Variants in SYN3 observed in about 807,000 individuals in gnomAD.
SYN3 encodes synapsin-3.
SYN3 carries 35 observed loss-of-function variants against 65.8 expected under a neutral mutation model. The ratio of observed to expected loss-of-function variants is 0.53; its 90% CI spans 0.41 to 0.70. SYN3 has a LOEUF of 0.70. SYN3 is among the 30% of genes least tolerant of loss of function. The pLI is 0.00. For missense variants in SYN3, 680 were observed against 749.0 expected (o/e 0.91, Z 1.08); for synonymous variants, 270 against 292.9 (o/e 0.92, Z 0.80).
chr22:32,894,375 T>C (rs1385234889), intron 4 of SYN3, among the ~76,000 whole-genome samples: 4 of 152,254 alleles, frequency 2.6e-5, no homozygotes, highest in Admixed American at 2.0e-4. Flanking sequence ...ACCCAACAAC[T>C]ACAACCTTCC....
At chr22:32,524,941 C>T (rs188837261) in intron 12 of SYN3, among the ~76,000 whole-genome samples, 11 of 152,188 alleles carry the variant, frequency 7.2e-5, no homozygotes, top group South Asian at 4.2e-4. Flanking sequence ...CCAGGACCCG[C>T]GAGGTGGAGC....
At chr22:32,696,950 C>G (rs963278102) in intron 6 of SYN3, among the ~76,000 whole-genome samples, 2 of 152,246 alleles carry the variant, frequency 1.3e-5, no homozygotes, top group East Asian at 3.9e-4. Flanking sequence ...GCTGCCCAAC[C>G]GTTTAACAAT....
chr22:32,933,683 C>A (rs1032746627), intron 3 of SYN3, among the ~76,000 whole-genome samples: 8 of 152,118 alleles, frequency 5.3e-5, no homozygotes, highest in Non-Finnish European at 8.8e-5. Context: ...CGTGATCCGC[C>A]CGCCTCGGAC....
chr22:32,978,452 C>A (rs2052274593), intron 3 of SYN3, among the ~76,000 whole-genome samples: 1 of 152,142 alleles, frequency 6.6e-6, no homozygotes, highest in Non-Finnish European at 1.5e-5. Flanking sequence ...GAGAACCACA[C>A]CGCATTCCCT....
chr22:32,527,833 C>T, intron 12 of SYN3, 85 bp downstream of exon 12: 1 of 1,187,416 alleles, frequency 8.4e-7, no homozygotes, highest in Non-Finnish European at 1.2e-6. Flanking sequence ...CCCAGAGCCC[C>T]TTGTGGGAAT....
intron 1 of SYN3, among the ~76,000 whole-genome samples, chr22:33,010,924 A>G (rs1356129835): frequency 6.6e-6 from 1 of 152,190 alleles, no homozygotes; most frequent in Non-Finnish European, 1.5e-5. Context: ...TGCTGCTAGT[A>G]TAATATTATT....
chr22:32,897,821 T>C (rs188768326), intron 4 of SYN3, among the ~76,000 whole-genome samples: 2 of 152,300 alleles, frequency 1.3e-5, no homozygotes, highest in East Asian at 1.9e-4. Flanking sequence ...TCTTTTTATA[T>C]ATATTTTTTT....
intron 7 of SYN3, among the ~76,000 whole-genome samples, chr22:32,587,136 C>A (rs1229145777): frequency 6.7e-6 from 1 of 149,612 alleles, no homozygotes; most frequent in Admixed American, 6.7e-5. Flanking sequence ...GCAGGAGAAT[C>A]GCTTGAACCT....
At chr22:32,721,323 A>G (rs184788101) in intron 6 of SYN3, among the ~76,000 whole-genome samples, 1 of 152,126 alleles carries the variant, frequency 6.6e-6, no homozygotes, top group Non-Finnish European at 1.5e-5. Flanking sequence ...ACTTGGGGTA[A>G]AAGAAGCACA....
rs963548393 is a variant in SYN3, at chr22:33,017,483, C to A, written c.-162-10659G>T. ...ATCATTTTGGTTAGTACGGACATATCATTCTTCCAATCCGTGAACACGGGA... is the reference window on the plus strand; with the variant it reads ...ATCATTTTGGTTAGTACGGACATATAATTCTTCCAATCCGTGAACACGGGA... On this transcript the variant is annotated intron_variant, in intron 1 of 13. Transcript: ENST00000358763. 4.6e-5 allele frequency among the ~76,000 whole-genome samples: 7 copies of A among 152,284 alleles called. 1 individual carries two copies. Among genetic ancestry groups the A allele is most frequent in the East Asian group, 3.9e-4 (2 of 5,188 alleles).
At chr22:32,613,254 C>T (rs570029325) in intron 6 of SYN3, among the ~76,000 whole-genome samples, 17 of 151,304 alleles carry the variant, frequency 1.1e-4, no homozygotes, top group African/African-American at 2.2e-4. Flanking sequence ...TTCTTTATAA[C>T]AATGTGAGAA....
chr22:33,051,111 C>A (rs1044277567), intron 1 of SYN3, among the ~76,000 whole-genome samples: 1 of 152,098 alleles, frequency 6.6e-6, no homozygotes, highest in African/African-American at 2.4e-5. Context: ...AGGGAGAGAA[C>A]TGAGGCTCAG....
chr22:33,009,825 T>C (rs28371854), intron 1 of SYN3, among the ~76,000 whole-genome samples: 1 of 151,088 alleles, frequency 6.6e-6, no homozygotes, highest in African/African-American at 2.4e-5. Context: ...ATATAATATA[T>C]ATAAAGTCTT....
At chr22:32,724,293 T>A (rs2078504) in intron 6 of SYN3, among the ~76,000 whole-genome samples, 2 of 152,100 alleles carry the variant, frequency 1.3e-5, no homozygotes, top group African/African-American at 4.8e-5. Flanking sequence ...GGTCTTGCTA[T>A]GTTGCCCAGG....
intron 6 of SYN3, among the ~76,000 whole-genome samples, chr22:32,799,373 G>GA (rs1474951214): frequency 6.6e-6 from 1 of 152,106 alleles, no homozygotes; most frequent in African/African-American, 2.4e-5. Context: ...TTTTCAGCTG[G>GA]AAAAAAGATC....
intron 3 of SYN3, among the ~76,000 whole-genome samples, chr22:32,961,055 C>A (rs184195934): frequency 2.0e-5 from 3 of 152,292 alleles, no homozygotes; most frequent in Non-Finnish European, 4.4e-5. Flanking sequence ...AAGGGGGTTT[C>A]TCAACCTTGG....
chr22:32,570,353 C>T (rs1025486766), intron 7 of SYN3, among the ~76,000 whole-genome samples: 2 of 152,184 alleles, frequency 1.3e-5, no homozygotes, highest in African/African-American at 4.8e-5. Context: ...GTAAACATTT[C>T]CCAAAAGCAG....
chr22:33,052,699 A>G (rs2145980327), intron 1 of SYN3, among the ~76,000 whole-genome samples: 1 of 152,300 alleles, frequency 6.6e-6, no homozygotes, highest in South Asian at 2.1e-4. Context: ...CACTTAACCA[A>G]TGGAGCACCA....
intron 6 of SYN3, among the ~76,000 whole-genome samples, chr22:32,747,445 A>T (rs369396979): frequency 6.6e-6 from 1 of 152,146 alleles, no homozygotes; most frequent in African/African-American, 2.4e-5. Flanking sequence ...AATTACCACA[A>T]TTGGGGCTGC....
Sources: gnomAD v4.1 joint callset for allele counts (sites outside exome capture counted in the v4.1 genomes callset) on GRCh38, gnomAD v4.1.1 for gene constraint, MANE v1.5 for transcripts, NCBI Gene and HGNC (gene_info 2026-07-23, HGNC 2026-07-21) for gene names.